RCOR1: variants seen among roughly 807,000 people sequenced by gnomAD.
The protein encoded by RCOR1 is REST corepressor 1.
A neutral mutation model predicts 64.0 loss-of-function variants in RCOR1; 12 were observed. The observed-to-expected ratio is 0.19, with a 90% CI of 0.12 to 0.30. RCOR1 has a LOEUF of 0.30. RCOR1 is among the 10% of genes least tolerant of loss of function. The probability of loss-of-function intolerance (pLI) is 1.00; values close to 1 mark genes in which losing one functional copy is unlikely to be tolerated. For synonymous variants in RCOR1, 279 were observed against 227.2 expected, an observed-to-expected ratio of 1.23 and a Z score of -2.05; for missense variants, 502 against 621.2, an observed-to-expected ratio of 0.81 and a Z score of 2.04.
At chr14:102,655,349 G>T (rs1027482207) in intron 2 of RCOR1, 11 of 985,028 alleles carry the variant, frequency 1.1e-5, no homozygotes, top group African/African-American at 1.7e-5. Flanking sequence ...CTTTAGAATG[G>T]CAGGAAGCTG....
chr14:102,706,270 C>G (rs1200262652), intron 4 of RCOR1, among the ~76,000 whole-genome samples: 1 of 151,964 alleles, frequency 6.6e-6, no homozygotes, highest in Admixed American at 6.6e-5. Flanking sequence ...GTTAAACTTT[C>G]CAAAGGACAG....
chr14:102,597,769 G>T (rs1023226221), intron 2 of RCOR1, among the ~76,000 whole-genome samples: 1 of 150,954 alleles, frequency 6.6e-6, no homozygotes, highest in Non-Finnish European at 1.5e-5. Flanking sequence ...CAGTAGCCGG[G>T]ATTACAGGCG....
intron 2 of RCOR1, chr14:102,629,938 G>C (rs908902656): frequency 1.1e-6 from 1 of 921,742 alleles, no homozygotes; most frequent in Non-Finnish European, 1.3e-6. Context: ...GAAGTGACTT[G>C]ACTATTATTA....
chr14:102,682,563 C>T (rs1010444192), intron 3 of RCOR1, among the ~76,000 whole-genome samples: 1 of 152,202 alleles, frequency 6.6e-6, no homozygotes, highest in Non-Finnish European at 1.5e-5. Flanking sequence ...AATGTTCAGT[C>T]ATCGTATCTC....
rs1243458495 is a variant in RCOR1, at chr14:102,592,662, T to C, written c.-225T>C. On this transcript the variant is annotated 5_prime_UTR_variant, in exon 1 of 12. Transcript: ENST00000262241. ...CCCGGAGTAGTTGGTGCCAGTGAAG[T>C]GAGGGCGGCGATGAGAGCGAAAGTT... The C allele has an allele frequency of 1.6e-6, 2 of 1,226,216 alleles. No homozygotes were observed. The highest frequency in any genetic ancestry group is 1.6e-5 in the African/African-American group (1 of 63,668). The allele number at this position is 1,226,216 out of a possible 1,614,324, so 76.0% of individuals were successfully genotyped here.
chr14:102,662,442 T>G, intron 2 of RCOR1: 1 of 549,662 alleles, frequency 1.8e-6, no homozygotes, highest in South Asian at 1.4e-5. Flanking sequence ...TTGTCCTCGC[T>G]CTTCTTCATG....
chr14:102,673,815 A>G (rs1595223415), intron 2 of RCOR1, among the ~76,000 whole-genome samples: 1 of 148,228 alleles, frequency 6.7e-6, no homozygotes, highest in Admixed American at 6.7e-5. Flanking sequence ...GGGTTTCTCC[A>G]TGTTGCTCAG....
At chr14:102,708,004 C>T (rs1206803814) in intron 5 of RCOR1, among the ~76,000 whole-genome samples, 8 of 139,508 alleles carry the variant, frequency 5.7e-5, no homozygotes, top group African/African-American at 2.2e-4. Flanking sequence ...CTCACTGTGT[C>T]GCCCAGGCTG....
At chr14:102,632,620 TTTCC>T (rs1381388867) in intron 2 of RCOR1, among the ~76,000 whole-genome samples, 1 of 32,906 alleles carries the variant, frequency 3.0e-5, no homozygotes, top group African/African-American at 1.4e-4. Flanking sequence ...TATCCTTTCC[TTTCC>T]TTTCCTTTCC....
At chr14:102,599,442 CT>C (rs1227766320) in intron 2 of RCOR1, among the ~76,000 whole-genome samples, 1 of 151,998 alleles carries the variant, frequency 6.6e-6, no homozygotes, top group African/African-American at 2.4e-5. Flanking sequence ...ATTATTATTA[CT>C]ATTTTTTAAT....
At chr14:102,613,534 G>A (rs1426598113) in intron 2 of RCOR1, among the ~76,000 whole-genome samples, 33 of 149,208 alleles carry the variant, frequency 2.2e-4, no homozygotes, top group African/African-American at 6.9e-4. Context: ...CCGGGTTCAC[G>A]CCATTCTCCT....
intron 2 of RCOR1, among the ~76,000 whole-genome samples, chr14:102,616,489 T>C (rs1441523292): frequency 6.6e-6 from 1 of 152,104 alleles, no homozygotes; most frequent in Non-Finnish European, 1.5e-5. Flanking sequence ...CAGGCTGGTC[T>C]TGAACTCCTG....
At chr14:102,707,653 A>G (rs556003323) in intron 5 of RCOR1, 141 bp downstream of exon 5, 3 of 714,782 alleles carry the variant, frequency 4.2e-6, no homozygotes, top group East Asian at 5.5e-5. Flanking sequence ...AGCTTAGTAC[A>G]TGCTGCTCTG....
chr14:102,616,287 G>C (rs1893762069), intron 2 of RCOR1, among the ~76,000 whole-genome samples: 1 of 151,112 alleles, frequency 6.6e-6, no homozygotes, highest in South Asian at 2.1e-4. Context: ...AATTTTATTT[G>C]AGTTAGGGTC....
chr14:102,676,426 G>A (rs1260040398), intron 2 of RCOR1, among the ~76,000 whole-genome samples: 4 of 122,124 alleles, frequency 3.3e-5, no homozygotes, highest in Non-Finnish European at 6.7e-5. Flanking sequence ...AGGCAGAGGC[G>A]CCCCTCACCT....
rs75322968 is a variant in RCOR1, at chr14:102,667,973, G to T, written c.362-13922G>T. On this transcript the variant is annotated intron_variant, in intron 2 of 11. Coordinates refer to ENST00000262241, the MANE Select transcript of RCOR1 (RefSeq NM_015156.4). Reference sequence around the variant, plus strand: ...TATTCTGTCTTGAGATAAAGATTTAGAAGTCATTACCATAATAAATGTGGT... The same window carrying T: ...TATTCTGTCTTGAGATAAAGATTTATAAGTCATTACCATAATAAATGTGGT... Among the ~76,000 whole-genome samples the T allele has an allele frequency of 5.4e-4, 82 of 152,282 alleles. No homozygotes were observed. The East Asian group carries it at 0.012, about 22-fold the overall frequency.
At chr14:102,692,800 C>G (rs531777196) in intron 3 of RCOR1, among the ~76,000 whole-genome samples, 17 of 129,378 alleles carry the variant, frequency 1.3e-4, no homozygotes, top group African/African-American at 4.8e-4. Context: ...CAGTCTTGCT[C>G]TGTCGCACAG....
intron 8 of RCOR1, among the ~76,000 whole-genome samples, chr14:102,716,642 T>A (rs1289570739): frequency 6.6e-6 from 1 of 152,252 alleles, no homozygotes; most frequent in Non-Finnish European, 1.5e-5. Flanking sequence ...AGGACCTTTG[T>A]TTTACATCCA....
intron 7 of RCOR1, among the ~76,000 whole-genome samples, chr14:102,713,436 C>T (rs1896001594): frequency 6.6e-6 from 1 of 152,062 alleles, no homozygotes; most frequent in Non-Finnish European, 1.5e-5. Context: ...GCGCCCGCCA[C>T]CGCACCTGGC....
Sources: allele counts gnomAD v4.1 joint callset (sites outside exome capture counted in the v4.1 genomes callset), GRCh38; gene constraint gnomAD v4.1.1; transcripts MANE v1.5; gene names NCBI Gene and HGNC (gene_info 2026-07-23, HGNC 2026-07-21).